CDH4: variants seen among roughly 807,000 people sequenced by gnomAD.
CDH4 encodes cadherin-4.
Under a neutral mutation model 86.0 loss-of-function variants are expected in CDH4, and 33 were observed. The observed-to-expected ratio is 0.38, with a 90% CI of 0.29 to 0.51. The LOEUF (loss-of-function observed/expected upper bound fraction) is 0.51, where lower values mean the gene tolerates loss of function less well. Among genes scored for constraint, CDH4 ranks in the 20% least tolerant of loss-of-function variants. CDH4 has a pLI of 0.86. For synonymous variants in CDH4, 555 were observed against 549.4 expected, an observed-to-expected ratio of 1.01 and a Z score of -0.14; for missense variants, 1,114 against 1,307.4, an observed-to-expected ratio of 0.85 and a Z score of 2.28.
chr20:61,679,779 C>T (rs182287880), intron 2 of CDH4, among the ~76,000 whole-genome samples: 12 of 152,352 alleles, frequency 7.9e-5, no homozygotes, highest in South Asian at 2.1e-4. Flanking sequence ...TTCAGCAGCC[C>T]GCTGGCCTGC....
At chr20:61,823,332 GATA>G in intron 4 of CDH4, among the ~76,000 whole-genome samples, 1 of 151,762 alleles carries the variant, frequency 6.6e-6, no homozygotes, top group East Asian at 2.0e-4. Context: ...TGATGGTGAT[GATA>G]GTGGTGATGG....
chr20:61,340,032 A>G (rs1408412097), intron 2 of CDH4, among the ~76,000 whole-genome samples: 2 of 152,252 alleles, frequency 1.3e-5, no homozygotes, highest in Non-Finnish European at 2.9e-5. Context: ...TTAATGAAGT[A>G]TAATTCCCAG....
chr20:61,822,741 C>T (rs1025388781), intron 4 of CDH4, among the ~76,000 whole-genome samples: 4 of 152,176 alleles, frequency 2.6e-5, no homozygotes, highest in Non-Finnish European at 2.9e-5. Context: ...CAGGTATGGC[C>T]CACCAAAGGG....
chr20:61,785,596 C>A (rs1978835000), intron 4 of CDH4, among the ~76,000 whole-genome samples: 1 of 151,468 alleles, frequency 6.6e-6, no homozygotes, highest in African/African-American at 2.5e-5. Flanking sequence ...TGCGCAGAGC[C>A]CTCACCCAGG....
intron 2 of CDH4, among the ~76,000 whole-genome samples, chr20:61,576,763 A>G (rs564768007): frequency 3.9e-5 from 6 of 152,306 alleles, no homozygotes; most frequent in Non-Finnish European, 8.8e-5. Flanking sequence ...CAGAAATGTC[A>G]GGCGAATGAA....
intron 2 of CDH4, among the ~76,000 whole-genome samples, chr20:61,283,520 GTGATGTAGGTGCATTTACACGCGTGTGC>G (rs2084275600): frequency 2.2e-5 from 3 of 134,042 alleles, no homozygotes; most frequent in African/African-American, 5.5e-5. Context: ...GCTGTGGTGT[GTGATGTAGGTGCATTTACACGCGTGTGC>G]TGTGGTGTGT....
At chr20:61,698,602 G>A (rs1175378675) in intron 2 of CDH4, among the ~76,000 whole-genome samples, 1 of 152,254 alleles carries the variant, frequency 6.6e-6, no homozygotes, top group East Asian at 1.9e-4. Flanking sequence ...TTGCAATTGT[G>A]TCCTGGAGTG....
chr20:61,494,263 C>G (rs1355835511), intron 2 of CDH4, among the ~76,000 whole-genome samples: 10 of 152,206 alleles, frequency 6.6e-5, no homozygotes, highest in Admixed American at 6.5e-4. Flanking sequence ...TTTCTCTAAA[C>G]TCAATAAGGA....
chr20:61,882,813 G>A (rs1030171451), intron 7 of CDH4, among the ~76,000 whole-genome samples: 1 of 152,090 alleles, frequency 6.6e-6, no homozygotes, highest in Non-Finnish European at 1.5e-5. Flanking sequence ...GGTGGCATGG[G>A]CCGCCCCAGC....
chr20:61,737,323 C>A (rs140244101), intron 2 of CDH4, among the ~76,000 whole-genome samples: 22 of 152,240 alleles, frequency 1.4e-4, no homozygotes, highest in African/African-American at 5.1e-4. Context: ...TTGCCCAGAA[C>A]CTCAGAATCT....
intron 2 of CDH4, among the ~76,000 whole-genome samples, chr20:61,488,986 T>C (rs2085611311): frequency 6.6e-6 from 1 of 152,176 alleles, no homozygotes; most frequent in Non-Finnish European, 1.5e-5. Context: ...GGAAAAATAA[T>C]ATATTCCATT....
chr20:61,573,012 T>G (rs62199248), intron 2 of CDH4, among the ~76,000 whole-genome samples: 4,129 of 131,328 alleles, frequency 0.031, 194 homozygotes, highest in African/African-American at 0.12. Context: ...ATGGATGGAT[T>G]GATGGATGGA....
intron 2 of CDH4, among the ~76,000 whole-genome samples, chr20:61,381,304 C>G (rs2084899682): frequency 6.6e-6 from 1 of 152,148 alleles, no homozygotes. Flanking sequence ...CAATCAGGGA[C>G]TCAAGTTCTG....
At chr20:61,530,490 C>T (rs1319139985) in intron 2 of CDH4, among the ~76,000 whole-genome samples, 1 of 152,020 alleles carries the variant, frequency 6.6e-6, no homozygotes, top group Non-Finnish European at 1.5e-5. Context: ...TGGAGGGATG[C>T]CGTGGCAAGG....
At chr20:61,331,648 G>GACCACCT (rs1568801188) in intron 2 of CDH4, among the ~76,000 whole-genome samples, 7 of 11,512 alleles carry the variant, frequency 6.1e-4, no homozygotes, top group Admixed American at 1.3e-3. Flanking sequence ...CCCACCTCCC[G>GACCACCT]CCCCAGCCAC....
intron 2 of CDH4, among the ~76,000 whole-genome samples, chr20:61,468,576 A>G (rs960995153): frequency 1.3e-5 from 2 of 152,124 alleles, no homozygotes; most frequent in Non-Finnish European, 2.9e-5. Flanking sequence ...TAGTTATTTT[A>G]AAATACACAA....
chr20:61,686,602 C>T lies in CDH4; in HGVS notation c.170-56961C>T, dbSNP rs185676678. ...GTGCATTCATGTGTGTGCATGAGCACGTGTGTGCATGTGTGTATCTGAGTG... is the reference window on the plus strand; with the variant it reads ...GTGCATTCATGTGTGTGCATGAGCATGTGTGTGCATGTGTGTATCTGAGTG... On this transcript the variant is annotated intron_variant, in intron 2 of 15. Transcript: ENST00000614565. Among the ~76,000 whole-genome samples, 66 of 147,524 alleles carry T rather than the reference C, an allele frequency of 4.5e-4. 1 individual carries two copies. The highest frequency in any genetic ancestry group is 1.6e-3 in the African/African-American group (62 of 39,544).
Position 61,855,805 on chromosome 20 carries a change from C to T in CDH4, c.877+2907C>T, listed in dbSNP as rs80316016. Among the ~76,000 whole-genome samples, 1,196 of 152,338 alleles carry T rather than the reference C, an allele frequency of 7.9e-3. 24 individuals are homozygous for T. The highest frequency in any genetic ancestry group is 0.027 in the African/African-American group (1,109 of 41,576). ...TGGCAGCCAGAGGACATGTTGATGC[C>T]GGGACCCCGGAGTCAGCCCTTCTTC... is the stretch of plus-strand genomic sequence containing the variant. On this transcript the variant is annotated intron_variant, in intron 6 of 15. Coordinates refer to ENST00000614565, the MANE Select transcript of CDH4 (RefSeq NM_001794.5).
rs560494633 is a variant in CDH4, at chr20:61,518,988, C to T, written c.170-224575C>T. ...TTTATCCATCCATCCATCCTTCATC[C>T]ATCCATTCATCCATGCATTCCCAGG... On this transcript the variant is annotated intron_variant, in intron 2 of 15. Coordinates refer to ENST00000614565, the MANE Select transcript of CDH4 (RefSeq NM_001794.5). The surrounding 1 kb of genome is among the most constrained non-coding windows in gnomAD (Gnocchi z 6.3). Among the ~76,000 whole-genome samples, 3 of 152,338 alleles carry T rather than the reference C, an allele frequency of 2.0e-5. No individual in the cohort carries two copies. Among genetic ancestry groups the T allele is most frequent in the South Asian group, 2.1e-4 (1 of 4,824 alleles).
Sources: gnomAD v4.1 joint callset for allele counts (sites outside exome capture counted in the v4.1 genomes callset) on GRCh38, gnomAD v4.1.1 for gene constraint, Gnocchi (gnomAD v3.1) non-coding constraint, MANE v1.5 for transcripts, NCBI Gene and HGNC (gene_info 2026-07-23, HGNC 2026-07-21) for gene names.